CNTLN: variants seen among roughly 807,000 people sequenced by gnomAD.
CNTLN encodes the protein centlein.
Under a neutral mutation model 180.0 loss-of-function variants are expected in CNTLN, and 212 were observed. The observed-to-expected ratio is 1.18, with a 90% CI of 1.05 to 1.32. The LOEUF is 1.32. Among genes scored for constraint, CNTLN ranks in the 40% most tolerant of loss-of-function variants. The probability of loss-of-function intolerance (pLI) is 0.00; values close to 1 mark genes in which losing one functional copy is unlikely to be tolerated. For missense variants in CNTLN, 2,095 were observed against 1,610.9 expected, an observed-to-expected ratio of 1.30 and a Z score of -5.14; for synonymous variants, 722 against 563.1, an observed-to-expected ratio of 1.28 and a Z score of -3.99.
At chr9:17,172,128 G>C (rs146302109) in intron 2 of CNTLN, among the ~76,000 whole-genome samples, 1,674 of 152,194 alleles carry the variant, frequency 0.011, 34 homozygotes, top group African/African-American at 0.038. Flanking sequence ...CTTCTTCTAG[G>C]GGGTGGTTAT....
chr9:17,386,285 A>C (rs1222019865), intron 13 of CNTLN, among the ~76,000 whole-genome samples: 6 of 152,084 alleles, frequency 3.9e-5, no homozygotes, highest in Admixed American at 3.9e-4. Flanking sequence ...CTAAGCTCTT[A>C]AATAACTATG....
chr9:17,198,660 A>G (rs115559255), intron 2 of CNTLN, among the ~76,000 whole-genome samples: 4,403 of 149,844 alleles, frequency 0.029, 197 homozygotes, highest in African/African-American at 0.1. Context: ...TTACATAGGT[A>G]TACATGTCTC....
At chr9:17,365,514 C>A (rs1348341590) in intron 12 of CNTLN, among the ~76,000 whole-genome samples, 1 of 152,194 alleles carries the variant, frequency 6.6e-6, no homozygotes, top group African/African-American at 2.4e-5. Context: ...GTATTTGGTT[C>A]TGGTCAAATA....
intron 2 of CNTLN, among the ~76,000 whole-genome samples, chr9:17,188,047 G>GTATA (rs1274528945): frequency 6.8e-6 from 1 of 148,110 alleles, no homozygotes; most frequent in African/African-American, 2.5e-5. Context: ...GCATATTTAT[G>GTATA]TATATATATA....
intron 5 of CNTLN, among the ~76,000 whole-genome samples, chr9:17,269,667 G>A (rs1827791577): frequency 6.6e-6 from 1 of 152,064 alleles, no homozygotes; most frequent in Non-Finnish European, 1.5e-5. Context: ...AAATTGTTGA[G>A]CCTTGTTTTA....
At chr9:17,295,571 C>T (rs1332138457) in intron 6 of CNTLN, among the ~76,000 whole-genome samples, 1 of 152,134 alleles carries the variant, frequency 6.6e-6, no homozygotes. Flanking sequence ...GCAGGATTCA[C>T]TCATTGTTTT....
intron 8 of CNTLN, among the ~76,000 whole-genome samples, chr9:17,323,718 C>T (rs1300703777): frequency 6.6e-6 from 1 of 152,180 alleles, no homozygotes; most frequent in Non-Finnish European, 1.5e-5. Flanking sequence ...TGGCTGGTCT[C>T]CAATAAATGA....
At chr9:17,342,172 C>T (rs1246960287) in intron 11 of CNTLN, among the ~76,000 whole-genome samples, 153 bp from the exon 12 acceptor site, 1 of 152,126 alleles carries the variant, frequency 6.6e-6, no homozygotes, top group East Asian at 1.9e-4. Context: ...TTGATTTCTA[C>T]ATGCTTAGGT....
chr9:17,308,202 A>G (rs1327461434), intron 7 of CNTLN, among the ~76,000 whole-genome samples: 4 of 151,924 alleles, frequency 2.6e-5, no homozygotes, highest in African/African-American at 7.3e-5. Context: ...GATAGCACTT[A>G]TATGTCATGT....
intron 2 of CNTLN, among the ~76,000 whole-genome samples, chr9:17,180,825 T>C (rs1189282970): frequency 6.6e-6 from 1 of 152,154 alleles, no homozygotes; most frequent in East Asian, 1.9e-4. Context: ...TATTATAGAA[T>C]TGTGCGTTGA....
At chr9:17,419,916 G>GT (rs1259245303) in intron 18 of CNTLN, among the ~76,000 whole-genome samples, 1 of 152,156 alleles carries the variant, frequency 6.6e-6, no homozygotes, top group African/African-American at 2.4e-5. Flanking sequence ...TTGTAGTATA[G>GT]TTTTTTGTTT....
At chr9:17,471,286 G>A (rs962980459) in intron 23 of CNTLN, among the ~76,000 whole-genome samples, 5 of 151,818 alleles carry the variant, frequency 3.3e-5, no homozygotes, top group Admixed American at 2.0e-4. Context: ...ATAATGATTC[G>A]ATGAAACTAA....
intron 18 of CNTLN, among the ~76,000 whole-genome samples, chr9:17,429,139 C>T (rs1027818026): frequency 5.3e-5 from 8 of 152,072 alleles, no homozygotes; most frequent in South Asian, 2.1e-4. Context: ...CTGCATAAAA[C>T]TCATTATATG....
intron 3 of CNTLN, among the ~76,000 whole-genome samples, chr9:17,228,164 C>A (rs1318453650): frequency 1.3e-5 from 2 of 152,078 alleles, no homozygotes; most frequent in East Asian, 1.9e-4. Flanking sequence ...TTAGTGAATG[C>A]TCTTTGGTTT....
chr9:17,135,816 C>T (rs1238589389), intron 1 of CNTLN, among the ~76,000 whole-genome samples: 1 of 152,200 alleles, frequency 6.6e-6, no homozygotes. Context: ...AGTGTAAACA[C>T]TTCGGTTAGA....
rs558356236 is a variant in CNTLN at position 17,451,427 on chromosome 9, C to T, written c.3115-6097C>T. 2.5e-4 allele frequency among the ~76,000 whole-genome samples: 38 copies of T among 152,212 alleles called. 1 individual carries two copies. The South Asian group carries it at 7.5e-3, about 30-fold the overall frequency. On this transcript the variant is annotated intron_variant, in intron 18 of 25. Transcript: ENST00000380647. ...CAACATTAAATAGTCTTAAGTCAGT[C>T]CTAAGCAGAATTTAAGATGAGAGAT... is the stretch of plus-strand genomic sequence containing the variant.
chr9:17,492,694 A>G (rs1833228762), intron 25 of CNTLN, among the ~76,000 whole-genome samples: 1 of 152,162 alleles, frequency 6.6e-6, no homozygotes, highest in Non-Finnish European at 1.5e-5. Context: ...TCCACACATT[A>G]AGCATAGAGT....
At chr9:17,458,002 C>T (rs1229381048) in intron 19 of CNTLN, among the ~76,000 whole-genome samples, 3 of 151,904 alleles carry the variant, frequency 2.0e-5, no homozygotes, top group Admixed American at 1.3e-4. Context: ...CCCCATGCCT[C>T]CCTCCAGCTG....
At chr9:17,207,889 A>G (rs1823037562) in intron 2 of CNTLN, among the ~76,000 whole-genome samples, 1 of 152,122 alleles carries the variant, frequency 6.6e-6, no homozygotes, top group South Asian at 2.1e-4. Context: ...TTTTCCAAAT[A>G]TAAGATGATA....
Sources: gnomAD v4.1 joint callset for allele counts (sites outside exome capture counted in the v4.1 genomes callset) on GRCh38, gnomAD v4.1.1 for gene constraint, MANE v1.5 for transcripts, NCBI Gene and HGNC (gene_info 2026-07-23, HGNC 2026-07-21) for gene names.